LOC128092252: variants seen among roughly 807,000 people sequenced by gnomAD.
At chr15:50,662,978 C>G in the LOC128092252 span, 1 of 1,613,016 alleles carries the variant, frequency 6.2e-7, no homozygotes, top group Non-Finnish European at 8.5e-7. Flanking sequence ...TGTGAGGGTC[C>G]TTGGAACTTG....
chr15:50,669,366 T>G, the LOC128092252 span, among the ~76,000 whole-genome samples: 1 of 151,892 alleles, frequency 6.6e-6, no homozygotes, highest in Non-Finnish European at 1.5e-5. Context: ...ACTCAGGAGA[T>G]GGAGGCTGCA....
At chr15:50,655,000 CAAAAAAA>C in the LOC128092252 span, among the ~76,000 whole-genome samples, 1 of 69,448 alleles carries the variant, frequency 1.4e-5, no homozygotes, top group African/African-American at 5.8e-5. Flanking sequence ...CACTCCGTCT[CAAAAAAA>C]AAAAAAAAAA....
chr15:50,685,293 G>A, the LOC128092252 span, among the ~76,000 whole-genome samples: 1 of 152,118 alleles, frequency 6.6e-6, no homozygotes. Context: ...GTGAAACCCC[G>A]TCTCTACTAA....
chr15:50,653,875 G>T, the LOC128092252 span, among the ~76,000 whole-genome samples: 1 of 152,082 alleles, frequency 6.6e-6, no homozygotes, highest in East Asian at 1.9e-4. Context: ...TCTGTGAACG[G>T]GGTCCTAAAG....
At chr15:50,672,532 C>T in the LOC128092252 span, among the ~76,000 whole-genome samples, 2 of 151,976 alleles carry the variant, frequency 1.3e-5, no homozygotes, top group Admixed American at 6.6e-5. Flanking sequence ...ATCCTGACCC[C>T]GTGTAGGCCT....
chr15:50,662,245 C>T, the LOC128092252 span, among the ~76,000 whole-genome samples: 11 of 150,572 alleles, frequency 7.3e-5, no homozygotes, highest in Admixed American at 5.3e-4. Flanking sequence ...CCCAGCTACT[C>T]GGGAGGCTGA....
At chr15:50,677,786 A>G in the LOC128092252 span, among the ~76,000 whole-genome samples, 3 of 151,448 alleles carry the variant, frequency 2.0e-5, no homozygotes, top group African/African-American at 7.3e-5. Context: ...AGCCTCTACT[A>G]AGTAACAATC....
chr15:50,654,662 A>C, the LOC128092252 span, among the ~76,000 whole-genome samples: 3 of 151,384 alleles, frequency 2.0e-5, no homozygotes, highest in Non-Finnish European at 4.4e-5. Flanking sequence ...CAAAGAATCA[A>C]ATAGCAATCC....
At chr15:50,671,290 A>T in the LOC128092252 span, among the ~76,000 whole-genome samples, 7 of 152,308 alleles carry the variant, frequency 4.6e-5, no homozygotes, top group African/African-American at 1.4e-4. Flanking sequence ...GATTCTACAC[A>T]GAAGTGAGAC....
the LOC128092252 span, among the ~76,000 whole-genome samples, chr15:50,686,190 T>A: frequency 2.0e-5 from 3 of 152,342 alleles, no homozygotes; most frequent in African/African-American, 7.2e-5. Flanking sequence ...GCTTGTAGGC[T>A]GAGCCCTGCG....
At chr15:50,657,277 T>C in the LOC128092252 span, among the ~76,000 whole-genome samples, 20 of 152,292 alleles carry the variant, frequency 1.3e-4, no homozygotes, top group Admixed American at 3.3e-4. Context: ...TGAGCCGAGA[T>C]TGTGCCACTG....
chr15:50,650,192 CAAAAAAAAAAAAAAAAAAAA>C, the LOC128092252 span, among the ~76,000 whole-genome samples: 1 of 62,302 alleles, frequency 1.6e-5, no homozygotes, highest in Non-Finnish European at 2.7e-5. Flanking sequence ...GACTTTGTCT[CAAAAAAAAAAAAAAAAAAAA>C]AAAAAAAAAG....
the LOC128092252 span, among the ~76,000 whole-genome samples, chr15:50,675,226 TC>T: frequency 1.1e-4 from 17 of 151,572 alleles, no homozygotes; most frequent in South Asian, 2.9e-3. Context: ...ACCTGTAACC[TC>T]AGCTACTCAG....
the LOC128092252 span, among the ~76,000 whole-genome samples, chr15:50,652,750 C>T: frequency 6.6e-6 from 1 of 152,060 alleles, no homozygotes; most frequent in Admixed American, 6.6e-5. Context: ...CCCGTAATTC[C>T]AGCTACTTAG....
At chr15:50,682,446 T>C in the LOC128092252 span, among the ~76,000 whole-genome samples, 1 of 151,512 alleles carries the variant, frequency 6.6e-6, no homozygotes, top group Non-Finnish European at 1.5e-5. Context: ...GGCGTTGTGG[T>C]GTGTGCCTGT....
At chr15:50,682,326 A>G in the LOC128092252 span, among the ~76,000 whole-genome samples, 1 of 151,970 alleles carries the variant, frequency 6.6e-6, no homozygotes, top group African/African-American at 2.4e-5. Context: ...CTAAATACAC[A>G]GTCCCAGAAA....
the LOC128092252 span, chr15:50,686,583 C>T: frequency 6.2e-7 from 1 of 1,606,298 alleles, no homozygotes; most frequent in Non-Finnish European, 8.5e-7. Flanking sequence ...CCTCCTCCTC[C>T]TCCGCGGCCT....
At chr15:50,675,722 T>G in the LOC128092252 span, among the ~76,000 whole-genome samples, 2 of 152,220 alleles carry the variant, frequency 1.3e-5, no homozygotes, top group African/African-American at 4.8e-5. Flanking sequence ...CTACCAGATT[T>G]TACCAAGAGG....
the LOC128092252 span, among the ~76,000 whole-genome samples, chr15:50,669,598 G>A: frequency 2.6e-5 from 4 of 152,074 alleles, no homozygotes; most frequent in East Asian, 1.9e-4. Flanking sequence ...AAAGCAAATC[G>A]GTCATACTAT....
Sources: allele counts gnomAD v4.1 joint callset (sites outside exome capture counted in the v4.1 genomes callset), GRCh38; gene constraint gnomAD v4.1.1; transcripts MANE v1.5.